The following EIF3L variants were observed in gnomAD, a reference collection of about 807,000 sequenced individuals.
EIF3L encodes eIEF associated protein HSPC021.
A neutral mutation model predicts 74.6 loss-of-function variants in EIF3L; 32 were observed. The ratio of observed to expected loss-of-function variants is 0.43; its 90% confidence interval spans 0.32 to 0.58. The LOEUF is 0.58. EIF3L is among the 20% of genes least tolerant of loss of function. The pLI, the probability that EIF3L is intolerant of heterozygous loss-of-function variation, is 0.06. For missense variants in EIF3L, 474 were observed against 707.8 expected (o/e 0.67, Z 3.75); for synonymous variants, 256 against 254.4 (o/e 1.01, Z -0.06).
In EIF3L at chr22:37,851,425, C is replaced by G. The variant is rs371813632; in HGVS notation, c.228C>G (p.Ala76=). The G allele has an allele frequency of 1.1e-5, 17 of 1,613,988 alleles. No homozygotes were observed. Among genetic ancestry groups the G allele is most frequent in the Non-Finnish European group, 1.4e-5 (17 of 1,180,000 alleles). ...LIDQKVYELQ[A]SRVSSDVIDQ... is the part of the protein sequence containing the mutation. ...ACCAGAAAGTGTATGAGCTACAGGCCAGTCGTGTCTCCAGTGATGTCATTG... is the reference window on the plus strand; with the variant it reads ...ACCAGAAAGTGTATGAGCTACAGGCGAGTCGTGTCTCCAGTGATGTCATTG... Residue 76 remains alanine, a synonymous_variant, in exon 3 of 13, where the codon GCC becomes GCG. Coordinates refer to ENST00000652021, the MANE Select transcript of EIF3L (RefSeq NM_016091.4).
At chr22:37,866,761 G>T (rs59395393) in intron 7 of EIF3L, among the ~76,000 whole-genome samples, 2,673 of 152,104 alleles carry the variant, frequency 0.018, 71 homozygotes, top group African/African-American at 0.057. Context: ...ACTCCAGCCT[G>T]GGTGACAAAG....
At chr22:37,878,256 G>T in intron 11 of EIF3L, 85 bp downstream of exon 11, 5 of 1,484,566 alleles carry the variant, frequency 3.4e-6, no homozygotes, top group Non-Finnish European at 4.5e-6. Flanking sequence ...AGTATATCGG[G>T]GAACAAAAAG....
chr22:37,882,064 T>C (rs569453008), intron 11 of EIF3L: 1 of 152,260 alleles, frequency 6.6e-6, no homozygotes, highest in Non-Finnish European at 1.5e-5. Flanking sequence ...CCCAGCACTT[T>C]GGGAGGCCAA....
In EIF3L at chr22:37,888,633, T is replaced by G; in HGVS notation, c.*169T>G. ...CAGTAAAGGATCTTTGGAGCCAGAT[T>G]TGTCGTCTCATTATTGTAGGAGAGA... On this transcript the variant is annotated 3_prime_UTR_variant, in exon 13 of 13. Transcript: ENST00000652021. 1.5e-6 allele frequency: 1 copy of G among 663,800 alleles called. No individual in the cohort carries two copies. The highest frequency in any genetic ancestry group is 2.6e-6 in the Non-Finnish European group (1 of 381,686). The allele number at this position is 663,800 out of a possible 1,614,324, so 41.1% of individuals were successfully genotyped here.
At chr22:37,886,567 C>CAA (rs1010230016) in intron 11 of EIF3L, 198 bp from the exon 12 acceptor site, 175 of 307,276 alleles carry the variant, frequency 5.7e-4, no homozygotes, top group Middle Eastern at 1.0e-3. Flanking sequence ...AACTCCATCT[C>CAA]AAAAAAAAAA....
chr22:37,859,374 CTTTTTTTTT>C (rs34020382), intron 5 of EIF3L, among the ~76,000 whole-genome samples: 4 of 79,162 alleles, frequency 5.1e-5, no homozygotes, highest in African/African-American at 1.7e-4. Context: ...CGTGAAGTTT[CTTTTTTTTT>C]TTTTTTTTTT....
intron 8 of EIF3L, among the ~76,000 whole-genome samples, chr22:37,873,605 G>T (rs1365865806): frequency 1.3e-5 from 2 of 151,700 alleles, no homozygotes; most frequent in East Asian, 3.9e-4. Flanking sequence ...TGTATCAGTT[G>T]TTTTTTTCAA....
In EIF3L at chr22:37,863,350, C is replaced by T. The variant is rs1358575600; in HGVS notation, c.579+5C>T. On this transcript the variant is annotated splice_donor_5th_base_variant and intron_variant, in intron 7 of 12. Transcript: ENST00000652021. ...ATCGATGAGTTCATCTACCAGGTAT[C>T]TGGTCAGCTTCAGCCTAATTTGAAA... The T allele has an allele frequency of 8.1e-6, 13 of 1,610,044 alleles. No individual in the cohort carries two copies. The highest frequency in any genetic ancestry group is 1.1e-5 in the Non-Finnish European group (13 of 1,177,668).
intron 2 of EIF3L, 38 bp downstream of exon 2, chr22:37,850,101 G>A (rs1263782383): frequency 1.9e-6 from 3 of 1,610,476 alleles, no homozygotes; most frequent in African/African-American, 2.7e-5. Context: ...TACTCGTAGG[G>A]ATCAGTTCCT....
intron 9 of EIF3L, among the ~76,000 whole-genome samples, chr22:37,875,630 C>G (rs1926704773): frequency 6.6e-6 from 1 of 152,142 alleles, no homozygotes; most frequent in Non-Finnish European, 1.5e-5. Flanking sequence ...TTACCTGATC[C>G]AGAACCTTCT....
rs538134982 is a variant in EIF3L, at chr22:37,877,938, T to C, written c.1342T>C (p.Ser448Pro). 1 of 1,612,596 alleles carries C rather than the reference T, an allele frequency of 6.2e-7. No homozygotes were observed. The highest frequency in any genetic ancestry group is 2.2e-5 in the East Asian group (1 of 44,890). ...CTTCCTGCAGCAGCTGAAGGTGTTTTCTGATGAAGTACAGCAGCAGGCCCA... is the reference window on the plus strand; with the variant it reads ...CTTCCTGCAGCAGCTGAAGGTGTTTCCTGATGAAGTACAGCAGCAGGCCCA... Reference protein sequence around the residue: ...EPFLQQLKVFSDEVQQQAQLS... With the variant: ...EPFLQQLKVFPDEVQQQAQLS... The change falls in exon 11 of 13, where the codon TCT becomes CCT. Residue 448 changes from serine (S) to proline (P), a missense_variant. By Grantham distance (74) the Ser-to-Pro change is moderately conservative (BLOSUM62 -1). This residue lies in a region of EIF3L where 293 missense variants were observed against 469.1 expected (regional missense o/e 0.62). Coordinates refer to ENST00000652021, the MANE Select transcript of EIF3L (RefSeq NM_016091.4).
chr22:37,863,882 G>A (rs572482472), intron 7 of EIF3L, among the ~76,000 whole-genome samples: 112 of 152,048 alleles, frequency 7.4e-4, no homozygotes, highest in African/African-American at 2.6e-3. Flanking sequence ...TGGCTAACAC[G>A]GTGAAACCCC....
chr22:37,876,096 A>G, intron 10 of EIF3L, 85 bp downstream of exon 10: 3 of 1,430,572 alleles, frequency 2.1e-6, no homozygotes, highest in South Asian at 1.3e-5. Context: ...GGTAAACACC[A>G]TCCAAAATAT....
chr22:37,865,584 T>A (rs16998570), intron 7 of EIF3L, among the ~76,000 whole-genome samples: 5,881 of 152,306 alleles, frequency 0.039, 182 homozygotes, highest in African/African-American at 0.072. Flanking sequence ...AAAGATGTTA[T>A]TAGAACTCCG....
chr22:37,888,275 G>C lies in EIF3L; in HGVS notation c.1657-151G>C, dbSNP rs16998591. Reference sequence around the variant, plus strand: ...TGTGCAGGGCCATATGAATGTCACGGCTTTGCACACACATAGTGGACACCC... The same window carrying C: ...TGTGCAGGGCCATATGAATGTCACGCCTTTGCACACACATAGTGGACACCC... On this transcript the variant is annotated intron_variant, in intron 12 of 12. Coordinates refer to ENST00000652021, the MANE Select transcript of EIF3L (RefSeq NM_016091.4). The C allele has an allele frequency of 0.014, 10,077 of 715,956 alleles. 611 individuals carry two copies. The African/African-American group carries it at 0.14, about 10-fold the overall frequency. The allele number at this position is 715,956 out of a possible 1,614,324, so 44.4% of individuals were successfully genotyped here. A position where few individuals can be genotyped will look rare whatever the true frequency, so the allele number is the denominator to read the frequency against.
intron 5 of EIF3L, among the ~76,000 whole-genome samples, chr22:37,861,605 C>T (rs1925860672): frequency 6.6e-6 from 1 of 151,836 alleles, no homozygotes; most frequent in Non-Finnish European, 1.5e-5. Context: ...AATCACTTGA[C>T]CCCAGGAGGC....
chr22:37,865,637 C>G (rs765844845), intron 7 of EIF3L, among the ~76,000 whole-genome samples: 1 of 152,084 alleles, frequency 6.6e-6, no homozygotes, highest in Non-Finnish European at 1.5e-5. Flanking sequence ...TGAACCGTTA[C>G]GAGTGGTGAG....
intron 1 of EIF3L, chr22:37,849,700 G>T (rs2146003529): frequency 1.6e-6 from 1 of 615,696 alleles, no homozygotes; most frequent in South Asian, 2.0e-5. Context: ...CCCTTTCTAA[G>T]ACCGGAGACT....
At position 37,877,361 on chromosome 22, in the gene EIF3L, A is replaced by T. The variant is rs370025919; in HGVS notation, c.1078-313A>T. 5 of 297,768 alleles carry T rather than the reference A, an allele frequency of 1.7e-5. No homozygotes were observed. In the East Asian group the frequency reaches 1.7e-4, roughly 10 times the overall value. 18.4% of individuals were successfully genotyped at this position (297,768 alleles called of 1,614,324 possible). On this transcript the variant is annotated intron_variant, in intron 10 of 12. Coordinates refer to ENST00000652021, the MANE Select transcript of EIF3L (RefSeq NM_016091.4). ...TTCTGTCGTCATCAAGGTTGCATCA[A>T]AGGTTTTGGGTAACTCGATCCTAAC...
Sources: gnomAD v4.1 joint callset for allele counts (sites outside exome capture counted in the v4.1 genomes callset) on GRCh38, gnomAD v4.1.1 for gene constraint, gnomAD v4.1.1 regional missense constraint, MANE v1.5 for transcripts, NCBI Gene and HGNC (gene_info 2026-07-23, HGNC 2026-07-21) for gene names.